Variants in LARGE1 observed in about 807,000 individuals in gnomAD.
LARGE1 encodes LARGE xylosyl- and glucuronyltransferase 1.
Under a neutral mutation model 87.6 loss-of-function variants are expected in LARGE1, and 43 were observed. That is an observed-to-expected ratio of 0.49 (90% CI 0.38 to 0.63). LARGE1 has a LOEUF of 0.63. Ranked by LOEUF, LARGE1 falls within the 30% of genes least tolerant of loss-of-function variation. The probability of loss-of-function intolerance (pLI) is 0.00; values close to 1 mark genes in which losing one functional copy is unlikely to be tolerated. For synonymous variants in LARGE1, 434 were observed against 394.6 expected, an observed-to-expected ratio of 1.10 and a Z score of -1.18; for missense variants, 802 against 1,000.2, an observed-to-expected ratio of 0.80 and a Z score of 2.67.
chr22:33,310,798 A>C (rs921635631), intron 11 of LARGE1, among the ~76,000 whole-genome samples: 1 of 152,044 alleles, frequency 6.6e-6, no homozygotes, highest in African/African-American at 2.4e-5. Flanking sequence ...AGTGCCTCTC[A>C]TTAGGGCTTG....
At chr22:33,349,559 C>G (rs1372817275) in intron 9 of LARGE1, among the ~76,000 whole-genome samples, 1 of 152,192 alleles carries the variant, frequency 6.6e-6, no homozygotes, top group Admixed American at 6.5e-5. Flanking sequence ...CAAAAGGAGG[C>G]TTGGTCAATG....
the LARGE1 span, among the ~76,000 whole-genome samples, chr22:33,129,539 A>AAT: frequency 8.9e-4 from 136 of 152,286 alleles, 1 homozygote; most frequent in South Asian, 0.024. Context: ...TATAATAAAA[A>AAT]ATATATATAT....
chr22:33,441,392 A>G (rs182570590), intron 6 of LARGE1, among the ~76,000 whole-genome samples: 1 of 152,018 alleles, frequency 6.6e-6, no homozygotes, highest in East Asian at 1.9e-4. Flanking sequence ...CTTTAATATA[A>G]TTCTCCACCT....
At chr22:33,886,179 T>G (rs2064839127) in intron 1 of LARGE1, among the ~76,000 whole-genome samples, 1 of 152,142 alleles carries the variant, frequency 6.6e-6, no homozygotes, top group Admixed American at 6.5e-5. Flanking sequence ...GCAATCCTGC[T>G]CCCTGGTGCT....
At chr22:33,543,350 G>C (rs2077265107) in intron 6 of LARGE1, among the ~76,000 whole-genome samples, 1 of 152,162 alleles carries the variant, frequency 6.6e-6, no homozygotes, top group South Asian at 2.1e-4. Flanking sequence ...TTTTAATTTA[G>C]GTCACTTTCA....
chr22:33,531,717 G>A (rs187493514), intron 6 of LARGE1, among the ~76,000 whole-genome samples: 12 of 152,306 alleles, frequency 7.9e-5, no homozygotes, highest in Admixed American at 3.3e-4. Context: ...GAGGGAAACC[G>A]CCCAGGAGGC....
intron 9 of LARGE1, among the ~76,000 whole-genome samples, chr22:33,365,679 A>G (rs1311079164): frequency 5.9e-5 from 9 of 151,290 alleles, no homozygotes; most frequent in Non-Finnish European, 1.2e-4. Flanking sequence ...CAGTGGCACA[A>G]TCTCGGCTCA....
At chr22:33,712,082 G>A (rs1248499818) in intron 2 of LARGE1, among the ~76,000 whole-genome samples, 2 of 152,192 alleles carry the variant, frequency 1.3e-5, no homozygotes, top group Admixed American at 6.5e-5. Context: ...CCAGAAAAGT[G>A]GAGTAACTTG....
intron 6 of LARGE1, among the ~76,000 whole-genome samples, chr22:33,561,460 C>G (rs7289333): frequency 0.051 from 7,836 of 152,248 alleles, 239 homozygotes; most frequent in Middle Eastern, 0.078. Flanking sequence ...CCAGGTATAC[C>G]AGAAGTATCT....
intron 11 of LARGE1, among the ~76,000 whole-genome samples, chr22:33,193,786 C>T (rs989885984): frequency 2.6e-5 from 4 of 151,544 alleles, no homozygotes; most frequent in Non-Finnish European, 5.9e-5. Context: ...CCATTGCACT[C>T]CAGCCTGGGT....
intron 6 of LARGE1, among the ~76,000 whole-genome samples, chr22:33,478,745 A>G (rs2069184371): frequency 6.6e-6 from 1 of 151,978 alleles, no homozygotes; most frequent in South Asian, 2.1e-4. Context: ...GGAGGAATCT[A>G]GTAGGTGCTC....
chr22:33,183,634 A>ACACGCACG lies in LARGE1; in HGVS notation c.1731-16803_1731-16802insCGTGCGTG, dbSNP rs1555880695. Among the ~76,000 whole-genome samples, 189 of 146,530 alleles carry ACACGCACG rather than the reference A, an allele frequency of 1.3e-3. 2 individuals carry two copies. Among genetic ancestry groups the ACACGCACG allele is most frequent in the African/African-American group, 4.5e-3 (172 of 38,362 alleles). On this transcript the variant is annotated intron_variant, in intron 11 of 11. Transcript: ENST00000608642. ...CACACACACACGCACACACACACAC[A>ACACGCACG]CACACACACACACACACACAGTATT... is the stretch of plus-strand genomic sequence containing the variant.
At chr22:33,475,773 A>T (rs946951919) in intron 6 of LARGE1, among the ~76,000 whole-genome samples, 2 of 152,020 alleles carry the variant, frequency 1.3e-5, no homozygotes, top group Non-Finnish European at 2.9e-5. Context: ...CTAACTCATT[A>T]TTTTTTTCAC....
At chr22:33,409,136 C>T (rs1397671392) in intron 7 of LARGE1, among the ~76,000 whole-genome samples, 1 of 152,170 alleles carries the variant, frequency 6.6e-6, no homozygotes, top group Non-Finnish European at 1.5e-5. Flanking sequence ...AATTCAGGGG[C>T]CCTGTGTGCC....
intron 1 of LARGE1, among the ~76,000 whole-genome samples, chr22:33,846,542 A>C (rs1039838934): frequency 5.3e-5 from 8 of 152,248 alleles, no homozygotes; most frequent in African/African-American, 1.4e-4. Flanking sequence ...TCAGGGAATA[A>C]GAGAGATAAC....
intron 11 of LARGE1, among the ~76,000 whole-genome samples, chr22:33,259,026 C>T (rs62224756): frequency 0.071 from 10,770 of 151,914 alleles, 455 homozygotes; most frequent in African/African-American, 0.12. Flanking sequence ...TATGGGCGCC[C>T]GCCACCACAC....
chr22:33,641,212 T>C (rs1403534522), intron 3 of LARGE1, among the ~76,000 whole-genome samples: 1 of 152,276 alleles, frequency 6.6e-6, no homozygotes, highest in African/African-American at 2.4e-5. Context: ...GGCAGCAATC[T>C]TTGTTGTTCT....
At chr22:33,217,970 C>G (rs1229443467) in intron 11 of LARGE1, among the ~76,000 whole-genome samples, 4 of 151,828 alleles carry the variant, frequency 2.6e-5, no homozygotes, top group Admixed American at 6.6e-5. Context: ...CACTCTGTCG[C>G]CCAGGCTGGA....
At chr22:33,371,852 C>T (rs1232282802) in intron 9 of LARGE1, among the ~76,000 whole-genome samples, 3 of 151,786 alleles carry the variant, frequency 2.0e-5, no homozygotes, top group South Asian at 2.1e-4. Context: ...GGCATGGTGG[C>T]GGGCGCCTGT....
Sources: gnomAD v4.1 joint callset for allele counts (sites outside exome capture counted in the v4.1 genomes callset) on GRCh38, gnomAD v4.1.1 for gene constraint, MANE v1.5 for transcripts, NCBI Gene and HGNC (gene_info 2026-07-23, HGNC 2026-07-21) for gene names.